Variants in ARHGEF10 observed in about 807,000 individuals in gnomAD.
The protein encoded by ARHGEF10 is Rho guanine nucleotide exchange factor (GEF) 10.
A neutral mutation model predicts 147.4 loss-of-function variants in ARHGEF10; 140 were observed. The observed-to-expected ratio is 0.95, with a 90% CI of 0.83 to 1.09. The LOEUF (loss-of-function observed/expected upper bound fraction) is 1.09. ARHGEF10 is among the 50% of genes least tolerant of loss of function. The probability of loss-of-function intolerance (pLI) is 0.00; values close to 1 mark genes in which losing one functional copy is unlikely to be tolerated. For missense variants in ARHGEF10, 2,222 were observed against 1,752.7 expected, an observed-to-expected ratio of 1.27 and a Z score of -4.78; for synonymous variants, 902 against 695.8, an observed-to-expected ratio of 1.30 and a Z score of -4.67.
intron 12 of ARHGEF10, 30 bp from the exon 13 acceptor site, chr8:1,894,363 T>C (rs1225012543): frequency 6.2e-7 from 1 of 1,613,482 alleles, no homozygotes; most frequent in East Asian, 2.2e-5. Flanking sequence ...AAAAGAAAAG[T>C]CTGAACTGTC....
Position 1,869,181 on chromosome 8 carries a change from C to T in ARHGEF10, c.623-13C>T. 2 of 1,611,956 alleles carry T rather than the reference C, an allele frequency of 1.2e-6. No individual in the cohort carries two copies. The highest frequency in any genetic ancestry group is 1.7e-6 in the Non-Finnish European group (2 of 1,177,970). ...TGGTCACTGTTTAAAGTGTTTCTCC[C>T]CGTTTATTGCAGATCCAGAGGAAGC... On this transcript the variant is annotated splice_polypyrimidine_tract_variant and intron_variant, in intron 6 of 28. Coordinates refer to ENST00000349830, the MANE Select transcript of ARHGEF10 (RefSeq NM_014629.4).
chr8:1,867,353 C>T (rs1190748946), intron 6 of ARHGEF10, among the ~76,000 whole-genome samples: 3 of 152,132 alleles, frequency 2.0e-5, no homozygotes, highest in Admixed American at 6.5e-5. Context: ...TTTTTGGTCA[C>T]GTGAATGATT....
intron 26 of ARHGEF10, among the ~76,000 whole-genome samples, chr8:1,945,165 G>A (rs1330171803): frequency 6.6e-6 from 1 of 152,228 alleles, no homozygotes; most frequent in South Asian, 2.1e-4. Flanking sequence ...CTGGGGGGAT[G>A]GATCCTGTGC....
chr8:1,926,787 T>C, intron 23 of ARHGEF10: 1 of 369,612 alleles, frequency 2.7e-6, no homozygotes, highest in South Asian at 2.6e-5. Flanking sequence ...GCATGGATTT[T>C]TTTTCTTGTT....
chr8:1,856,290 G>A (rs1008633236), intron 2 of ARHGEF10, among the ~76,000 whole-genome samples: 5 of 152,202 alleles, frequency 3.3e-5, no homozygotes, highest in Non-Finnish European at 7.3e-5. Flanking sequence ...ACTCGTGAGT[G>A]TTGGTGGAAG....
rs1350511567 is a variant in ARHGEF10 at position 1,858,227 on chromosome 8, AGTCCCCAGGTGG to A, written c.193+124_193+135del. The A allele has an allele frequency of 1.2e-5, 8 of 694,930 alleles. No homozygotes were observed. The African/African-American group carries it at 1.2e-4, about 11-fold the overall frequency. 43.0% of individuals were successfully genotyped at this position (694,930 alleles called of 1,614,324 possible). ...GAGTTCCCAGGTGAGTCCCCAGGTGAGTCCCCAGGTGGGTCCCCAGGTGAGTCCCCTGGGGGG... is the reference window on the plus strand; with the variant it reads ...GAGTTCCCAGGTGAGTCCCCAGGTGAGTCCCCAGGTGAGTCCCCTGGGGGG... On this transcript the variant is annotated intron_variant, in intron 3 of 28. Coordinates refer to ENST00000349830, the MANE Select transcript of ARHGEF10 (RefSeq NM_014629.4).
intron 18 of ARHGEF10, among the ~76,000 whole-genome samples, chr8:1,910,171 A>G (rs908205436): frequency 1.6e-4 from 25 of 152,210 alleles, no homozygotes; most frequent in African/African-American, 5.8e-4. Context: ...GAACAATTTA[A>G]AAAACACGAT....
rs1806466009 is a variant in ARHGEF10 at position 1,865,031 on chromosome 8, C to G, written c.545+595C>G. On this transcript the variant is annotated intron_variant, in intron 5 of 28. Transcript: ENST00000349830. ...ATATAGAATGTAGTGTGAGGAAAAC[C>G]TTAAATGATCTTCAAAAGGATGAAA... Among the ~76,000 whole-genome samples the G allele has an allele frequency of 2.6e-5, 4 of 152,170 alleles. No individual in the cohort carries two copies. The South Asian group carries it at 8.3e-4, about 32-fold the overall frequency.
At chr8:1,944,764 C>A (rs917923170) in intron 26 of ARHGEF10, among the ~76,000 whole-genome samples, 1 of 152,244 alleles carries the variant, frequency 6.6e-6, no homozygotes, top group Admixed American at 6.5e-5. Flanking sequence ...CCCTCTGTCA[C>A]CCCCTCCAAT....
chr8:1,858,990 T>C (rs1020120657), intron 3 of ARHGEF10, among the ~76,000 whole-genome samples: 4 of 151,268 alleles, frequency 2.6e-5, no homozygotes, highest in Non-Finnish European at 4.4e-5. Flanking sequence ...GTTCTTTGCA[T>C]GGTTTCTTTG....
Position 1,956,945 on chromosome 8 carries a change from A to G in ARHGEF10, c.3717A>G (p.Ala1239=). 6.2e-7 allele frequency: 1 copy of G among 1,614,182 alleles called. No homozygotes were observed. The highest frequency in any genetic ancestry group is 1.3e-5 in the African/African-American group (1 of 75,054). ...CTCTGAGCCAGGGTGACCCTGACGC[A>G]GCCATCTGGTTGGGAGATTCGCTGG... ...GSSLSQGDPD[A]AIWLGDSLGS... Residue 1239 remains alanine, a synonymous_variant, in exon 29 of 29, where the codon GCA becomes GCG. Transcript: ENST00000349830.
chr8:1,865,524 C>G (rs1806520644), intron 5 of ARHGEF10, among the ~76,000 whole-genome samples: 1 of 151,672 alleles, frequency 6.6e-6, no homozygotes, highest in Non-Finnish European at 1.5e-5. Flanking sequence ...ATGAGGCCGT[C>G]ACCAGGACAC....
chr8:1,907,913 T>C (rs1811030472), intron 17 of ARHGEF10, among the ~76,000 whole-genome samples: 1 of 152,132 alleles, frequency 6.6e-6, no homozygotes, highest in South Asian at 2.1e-4. Flanking sequence ...ATTCTAAACC[T>C]CCTCTGTAGG....
chr8:1,922,879 ATT>A, intron 18 of ARHGEF10, 83 bp from the exon 19 acceptor site: 1 of 929,270 alleles, frequency 1.1e-6, no homozygotes, highest in Non-Finnish European at 1.7e-6. Flanking sequence ...ATTATTTAGT[ATT>A]TGAGTCTTTT....
intron 1 of ARHGEF10, among the ~76,000 whole-genome samples, chr8:1,834,192 G>A (rs1043736563): frequency 1.3e-5 from 2 of 152,248 alleles, no homozygotes; most frequent in South Asian, 2.1e-4. Context: ...AGCATGTGGC[G>A]CAGAGAGGGT....
intron 1 of ARHGEF10, among the ~76,000 whole-genome samples, chr8:1,841,115 G>A (rs1227529633): frequency 1.3e-5 from 2 of 152,266 alleles, no homozygotes; most frequent in Non-Finnish European, 2.9e-5. Flanking sequence ...CTCAGCTGTA[G>A]CCTTCGCGTC....
rs1455902726 is a variant in ARHGEF10, at chr8:1,949,023, T to C, written c.3397+3368T>C. Among the ~76,000 whole-genome samples the C allele has an allele frequency of 5.8e-3, 879 of 151,122 alleles. 12 individuals are homozygous for C. The highest frequency in any genetic ancestry group is 0.02 in the African/African-American group (842 of 41,288). On this transcript the variant is annotated intron_variant, in intron 27 of 28. Transcript: ENST00000349830. Reference sequence around the variant, plus strand: ...CGATGCTCAAATGGGTTTTCATGTGTGTGTGTGTGTGTGTGTGTGGCAACA... The same window carrying C: ...CGATGCTCAAATGGGTTTTCATGTGCGTGTGTGTGTGTGTGTGTGGCAACA...
chr8:1,859,096 C>G (rs1383220278), intron 3 of ARHGEF10, among the ~76,000 whole-genome samples: 1 of 146,424 alleles, frequency 6.8e-6, no homozygotes, highest in Non-Finnish European at 1.5e-5. Context: ...GTGCATAGTA[C>G]CCGCCTCTCT....
At chr8:1,868,729 C>G (rs895401394) in intron 6 of ARHGEF10, among the ~76,000 whole-genome samples, 4 of 152,198 alleles carry the variant, frequency 2.6e-5, no homozygotes, top group African/African-American at 9.7e-5. Context: ...GTATCCAGCA[C>G]TGATGGGCTC....
Sources: gnomAD v4.1 joint callset for allele counts (sites outside exome capture counted in the v4.1 genomes callset) on GRCh38, gnomAD v4.1.1 for gene constraint, MANE v1.5 for transcripts, NCBI Gene and HGNC (gene_info 2026-07-23, HGNC 2026-07-21) for gene names.